Variants in DLG5 observed in about 807,000 individuals in gnomAD.
The protein encoded by DLG5 is disks large homolog 5.
Under a neutral mutation model 189.8 loss-of-function variants are expected in DLG5, and 48 were observed. The ratio of observed to expected loss-of-function variants is 0.25; its 90% CI spans 0.20 to 0.32. The LOEUF is 0.32. DLG5 is among the 10% of genes least tolerant of loss of function. The probability of loss-of-function intolerance (pLI) is 1.00; values close to 1 mark genes in which losing one functional copy is unlikely to be tolerated. For missense variants in DLG5, 2,160 were observed against 2,544.7 expected, an observed-to-expected ratio of 0.85 and a Z score of 3.25; for synonymous variants, 1,016 against 1,054.1, an observed-to-expected ratio of 0.96 and a Z score of 0.70.
chr10:77,894,821 G>A (rs1845711158), intron 1 of DLG5, among the ~76,000 whole-genome samples: 1 of 152,016 alleles, frequency 6.6e-6, no homozygotes, highest in Non-Finnish European at 1.5e-5. Flanking sequence ...TCTTCCTCCT[G>A]GGGAACAAGG....
chr10:77,856,532 G>C (rs1277429902), intron 3 of DLG5, among the ~76,000 whole-genome samples, 198 bp downstream of exon 3: 1 of 152,132 alleles, frequency 6.6e-6, no homozygotes, highest in Admixed American at 6.5e-5. Context: ...CCACATGTGG[G>C]ATGGGGACCT....
chr10:77,796,695 C>T lies in DLG5; in HGVS notation c.5165-101G>A. The T allele has an allele frequency of 6.9e-7, 1 of 1,439,148 alleles. No homozygotes were observed. Among genetic ancestry groups the T allele is most frequent in the South Asian group, 1.2e-5 (1 of 80,098 alleles). The allele number at this position is 1,439,148 out of a possible 1,614,324, so 89.1% of individuals were successfully genotyped here. A position where few individuals can be genotyped will look rare whatever the true frequency, so the allele number is the denominator to read the frequency against. On this transcript the variant is annotated intron_variant, in intron 27 of 31. Transcript: ENST00000372391. This position sits in a 1 kb window ranked among gnomAD's most constrained non-coding sequence, Gnocchi z 5.2. ...CCCTGACCTCGCCCACTCTGGTTTG[C>T]CTGGGACTCCCCCAGCTTCAGCACT... is the stretch of plus-strand genomic sequence containing the variant.
chr10:77,891,835 G>A (rs937947096), intron 1 of DLG5, among the ~76,000 whole-genome samples: 25 of 152,144 alleles, frequency 1.6e-4, no homozygotes, highest in African/African-American at 5.6e-4. Flanking sequence ...CACTGACTCC[G>A]GAGCCATCCG....
At chr10:77,932,373 G>C in the DLG5 span, among the ~76,000 whole-genome samples, 1 of 152,152 alleles carries the variant, frequency 6.6e-6, no homozygotes, top group East Asian at 1.9e-4. Flanking sequence ...TGTGGTAGGT[G>C]CTCAATAGAT....
Position 77,830,906 on chromosome 10 carries a change from T to C in DLG5, c.1749-33A>G, listed in dbSNP as rs111978764. The C allele has an allele frequency of 1.7e-5, 28 of 1,609,712 alleles. No homozygotes were observed. In the African/African-American group the frequency reaches 2.0e-4, roughly 12 times the overall value. The stretch of plus-strand genomic sequence containing the variant: ...CAGAGAGAGCCACGGTGACAGCCCC[T>C]TGGGAGGTGAAACATCCCACCGCGT... On this transcript the variant is annotated intron_variant, in intron 9 of 31. Coordinates refer to ENST00000372391, the MANE Select transcript of DLG5 (RefSeq NM_004747.4).
upstream of DLG5, chr10:77,927,075 C>A (rs1846724907): frequency 5.2e-6 from 1 of 193,182 alleles, no homozygotes; most frequent in Non-Finnish European, 1.0e-5. Context: ...GCCACCCGCT[C>A]CCCCGTGGCC....
At chr10:77,832,794 G>A (rs922035974) in intron 9 of DLG5, among the ~76,000 whole-genome samples, 5 of 152,178 alleles carry the variant, frequency 3.3e-5, no homozygotes, top group African/African-American at 4.8e-5. Flanking sequence ...CTTTCCCTTC[G>A]AAGAGAACCC....
chr10:77,816,544 T>A lies in DLG5; in HGVS notation c.4025+7A>T, dbSNP rs200853183. The A allele has an allele frequency of 6.2e-7, 1 of 1,613,992 alleles. No homozygotes were observed. The highest frequency in any genetic ancestry group is 1.1e-5 in the South Asian group (1 of 91,060). ...TACCCACTCCACCGATGACCGGCCA[T>A]GCTCACCTGTCCTTTCTCCGCTCCC... On this transcript the variant is annotated splice_region_variant and intron_variant, in intron 20 of 31. Coordinates refer to ENST00000372391, the MANE Select transcript of DLG5 (RefSeq NM_004747.4).
In DLG5 at chr10:77,856,843, T is replaced by C. The variant is rs766206462; in HGVS notation, c.423A>G (p.Gln141=). ...AGAGGTTCTCCACCTTCTCATTCAC[T>C]TGCTGGTCAGTGAGGAGGGGTGGTG... ...PSPPPLLTDQ[Q]VNEKVENLSI... The change falls in exon 3 of 32, where the codon CAA becomes CAG. Residue 141 remains glutamine (Q), a synonymous_variant. Coordinates refer to ENST00000372391, the MANE Select transcript of DLG5 (RefSeq NM_004747.4). The C allele has an allele frequency of 6.2e-7, 1 of 1,612,966 alleles. No individual in the cohort carries two copies. The highest frequency in any genetic ancestry group is 8.5e-7 in the Non-Finnish European group (1 of 1,179,984).
In DLG5 at chr10:77,868,075, G is replaced by A. The variant is rs755273183; in HGVS notation, c.373+1054C>T. The A allele has an allele frequency of 3.1e-5, 14 of 456,594 alleles. No individual in the cohort carries two copies. In the East Asian group the frequency reaches 4.9e-4, roughly 16 times the overall value. The allele number at this position is 456,594 out of a possible 1,614,324, so 28.3% of individuals were successfully genotyped here. A position where few individuals can be genotyped will look rare whatever the true frequency, so the allele number is the denominator to read the frequency against. ...GGCCCGGGACAGATCTCTCCCTAGC[G>A]CCTTCAGCCTGCGTGGCCTCACTGA... On this transcript the variant is annotated intron_variant, in intron 2 of 31. Coordinates refer to ENST00000372391, the MANE Select transcript of DLG5 (RefSeq NM_004747.4).
chr10:77,875,409 C>T (rs1394527140), intron 1 of DLG5, among the ~76,000 whole-genome samples: 1 of 152,176 alleles, frequency 6.6e-6, no homozygotes. Flanking sequence ...AGCCTCTATT[C>T]CCTGGGAATG....
intron 20 of DLG5, among the ~76,000 whole-genome samples, chr10:77,813,169 C>T (rs531516340): frequency 8.5e-5 from 13 of 152,362 alleles, no homozygotes; most frequent in African/African-American, 2.6e-4. Context: ...CGGAGCCTCC[C>T]GTTGGGACTT....
At chr10:77,907,263 T>C (rs765774874) in intron 1 of DLG5, among the ~76,000 whole-genome samples, 9 of 152,082 alleles carry the variant, frequency 5.9e-5, no homozygotes, top group Non-Finnish European at 1.3e-4. Flanking sequence ...TAAACAGCCA[T>C]GGAACTGGGA....
intron 11 of DLG5, among the ~76,000 whole-genome samples, chr10:77,829,746 T>C (rs1471049317): frequency 6.6e-6 from 1 of 152,238 alleles, no homozygotes; most frequent in Non-Finnish European, 1.5e-5. Context: ...TTACTAGTTG[T>C]ATGACCTAGC....
At chr10:77,795,979 AG>A (rs1840899143) in intron 29 of DLG5, 81 bp downstream of exon 29, 1 of 1,595,198 alleles carries the variant, frequency 6.3e-7, no homozygotes, top group Non-Finnish European at 8.6e-7. Context: ...GCTGGGGCAG[AG>A]GATCACGGAC....
intron 1 of DLG5, among the ~76,000 whole-genome samples, chr10:77,891,957 C>T (rs1248887): frequency 0.32 from 48,812 of 152,154 alleles, 8,249 homozygotes; most frequent in Admixed American, 0.41. Flanking sequence ...CTCTCAGACT[C>T]GACCCTGCCT....
At chr10:77,809,387 C>A (rs1841642772) in intron 24 of DLG5, among the ~76,000 whole-genome samples, 160 bp downstream of exon 24, 1 of 152,226 alleles carries the variant, frequency 6.6e-6, no homozygotes. Flanking sequence ...GCCTGGGCGA[C>A]AGAGCAAGAC....
intron 1 of DLG5, 80 bp from the exon 2 acceptor site, chr10:77,869,277 T>C: frequency 7.4e-7 from 1 of 1,355,858 alleles, no homozygotes; most frequent in Non-Finnish European, 1.0e-6. Context: ...CATCAGTCAA[T>C]GCCAGGCCAT....
At chr10:77,828,310 A>AC (rs1258710344) in intron 13 of DLG5, among the ~76,000 whole-genome samples, 4 of 151,984 alleles carry the variant, frequency 2.6e-5, no homozygotes, top group Admixed American at 1.3e-4. Flanking sequence ...ACATGGTGAA[A>AC]CCCCATCTCT....
Sources: allele counts gnomAD v4.1 joint callset (sites outside exome capture counted in the v4.1 genomes callset), GRCh38; gene constraint gnomAD v4.1.1; non-coding constraint Gnocchi (gnomAD v3.1); transcripts MANE v1.5; gene names NCBI Gene and HGNC (gene_info 2026-07-23, HGNC 2026-07-21).